The following FHIT variants were observed in gnomAD, a reference collection of about 807,000 sequenced individuals.
FHIT encodes the protein bis(5'-adenosyl)-triphosphatase.
Under a neutral mutation model 17.9 loss-of-function variants are expected in FHIT, and 19 were observed. The ratio of observed to expected loss-of-function variants is 1.06; its 90% CI spans 0.74 to 1.56. The LOEUF (loss-of-function observed/expected upper bound fraction) is 1.56. Among genes scored for constraint, FHIT ranks in the 40% most tolerant of loss-of-function variants. The pLI is 0.00. For synonymous variants in FHIT, 81 were observed against 69.7 expected, an observed-to-expected ratio of 1.16 and a Z score of -0.81; for missense variants, 248 against 189.2, an observed-to-expected ratio of 1.31 and a Z score of -1.82.
chr3:59,887,453 C>G (rs560713935), intron 8 of FHIT, among the ~76,000 whole-genome samples: 88 of 152,176 alleles, frequency 5.8e-4, no homozygotes, highest in African/African-American at 2.0e-3. Flanking sequence ...GCAAATACAG[C>G]CCCCTCTGGC....
chr3:60,009,219 GTGTGTGTGTGTAT>G (rs1700046404), intron 7 of FHIT, among the ~76,000 whole-genome samples: 1 of 134,314 alleles, frequency 7.4e-6, no homozygotes, highest in African/African-American at 3.2e-5. Context: ...GTGTGTGTGT[GTGTGTGTGTGTAT>G]GGTGGTTTTC....
intron 4 of FHIT, among the ~76,000 whole-genome samples, chr3:60,544,588 C>A (rs1363091861): frequency 1.4e-5 from 2 of 142,544 alleles, no homozygotes; most frequent in African/African-American, 5.2e-5. Context: ...CCAATAATTT[C>A]TCAACCTATT....
chr3:60,284,894 G>C (rs1266360006), intron 5 of FHIT, among the ~76,000 whole-genome samples: 1 of 152,066 alleles, frequency 6.6e-6, no homozygotes, highest in Non-Finnish European at 1.5e-5. Context: ...TTCTCTAAAA[G>C]AACATATCTG....
chr3:60,314,577 T>G (rs1211994177), intron 5 of FHIT, among the ~76,000 whole-genome samples: 2 of 152,214 alleles, frequency 1.3e-5, no homozygotes, highest in Admixed American at 1.3e-4. Flanking sequence ...TAGACTCACA[T>G]TTTACAAAAG....
intron 8 of FHIT, among the ~76,000 whole-genome samples, chr3:59,846,392 C>T (rs1435629942): frequency 6.6e-6 from 1 of 152,042 alleles, no homozygotes; most frequent in Admixed American, 6.6e-5. Flanking sequence ...CAACATTATA[C>T]CCTCCCCTTT....
intron 5 of FHIT, among the ~76,000 whole-genome samples, chr3:60,499,625 C>T (rs1336364681): frequency 6.6e-6 from 1 of 152,020 alleles, no homozygotes; most frequent in Non-Finnish European, 1.5e-5. Context: ...GTGATCCGCC[C>T]GCCTCGGCCT....
At chr3:60,620,829 G>T (rs941923487) in intron 4 of FHIT, among the ~76,000 whole-genome samples, 2 of 152,024 alleles carry the variant, frequency 1.3e-5, no homozygotes, top group Non-Finnish European at 2.9e-5. Context: ...ATCAAAATTG[G>T]CTCATCAAAT....
chr3:61,248,006 A>G (rs2106953700), intron 1 of FHIT, among the ~76,000 whole-genome samples: 1 of 152,352 alleles, frequency 6.6e-6, no homozygotes, highest in East Asian at 1.9e-4. Flanking sequence ...ATGTCTTACT[A>G]TATAGATCAC....
intron 3 of FHIT, among the ~76,000 whole-genome samples, chr3:60,880,922 C>A (rs1011991165): frequency 2.6e-5 from 4 of 152,176 alleles, no homozygotes; most frequent in Non-Finnish European, 4.4e-5. Flanking sequence ...AGAAGCAAGT[C>A]ATGACTTATC....
At chr3:60,103,661 C>A (rs1348640134) in intron 5 of FHIT, among the ~76,000 whole-genome samples, 1 of 152,142 alleles carries the variant, frequency 6.6e-6, no homozygotes, top group Non-Finnish European at 1.5e-5. Flanking sequence ...ACGGAGAAGG[C>A]AGCCCTCCCA....
chr3:60,212,576 C>T (rs915625997), intron 5 of FHIT, among the ~76,000 whole-genome samples: 2 of 152,140 alleles, frequency 1.3e-5, no homozygotes, highest in Admixed American at 6.5e-5. Flanking sequence ...TATAAGTAAA[C>T]AGAAATATCT....
At chr3:60,182,783 G>T (rs1701994793) in intron 5 of FHIT, among the ~76,000 whole-genome samples, 1 of 151,724 alleles carries the variant, frequency 6.6e-6, no homozygotes, top group Admixed American at 6.6e-5. Context: ...ACCCTGTCTT[G>T]ATCAATCAAT....
At chr3:60,197,828 G>C (rs1330132743) in intron 5 of FHIT, among the ~76,000 whole-genome samples, 3 of 152,138 alleles carry the variant, frequency 2.0e-5, no homozygotes, top group Non-Finnish European at 4.4e-5. Flanking sequence ...TAACTAGCTG[G>C]TTCTGGCCTT....
At chr3:60,350,575 A>G (rs1243123003) in intron 5 of FHIT, among the ~76,000 whole-genome samples, 2 of 152,206 alleles carry the variant, frequency 1.3e-5, no homozygotes, top group Non-Finnish European at 2.9e-5. Flanking sequence ...TTCCTGGTCC[A>G]GGAAGCTAAA....
chr3:60,493,120 T>C (rs1459691310), intron 5 of FHIT, among the ~76,000 whole-genome samples: 1 of 152,084 alleles, frequency 6.6e-6, no homozygotes, highest in Non-Finnish European at 1.5e-5. Context: ...AGGGAAGACT[T>C]TATAAAGGTC....
chr3:60,218,212 T>A (rs1425401542), intron 5 of FHIT, among the ~76,000 whole-genome samples: 2 of 152,256 alleles, frequency 1.3e-5, no homozygotes, highest in Non-Finnish European at 2.9e-5. Context: ...AACCACTGAA[T>A]AAGAAATTAA....
At chr3:60,506,731 C>G (rs2034746496) in intron 5 of FHIT, among the ~76,000 whole-genome samples, 1 of 152,108 alleles carries the variant, frequency 6.6e-6, no homozygotes. Context: ...CAGATAGGGG[C>G]TGCTTCTTCA....
intron 8 of FHIT, among the ~76,000 whole-genome samples, chr3:59,779,389 TC>T (rs1421336077): frequency 2.0e-5 from 3 of 152,160 alleles, no homozygotes; most frequent in Non-Finnish European, 4.4e-5. Flanking sequence ...CTGGGCTTTG[TC>T]CATGGGTTGC....
chr3:60,808,894 G>T (rs1274420129), intron 4 of FHIT, among the ~76,000 whole-genome samples: 1 of 152,188 alleles, frequency 6.6e-6, no homozygotes, highest in East Asian at 1.9e-4. Flanking sequence ...GCTTGGTTCA[G>T]TAGTTCAGTC....
Sources: allele counts gnomAD v4.1 joint callset (sites outside exome capture counted in the v4.1 genomes callset), GRCh38; gene constraint gnomAD v4.1.1; transcripts MANE v1.5; gene names NCBI Gene and HGNC (gene_info 2026-07-23, HGNC 2026-07-21).